Variants in EDEM2 observed in about 807,000 individuals in gnomAD.
EDEM2 encodes the protein ER degradation-enhancing alpha-mannosidase-like protein 2.
EDEM2 carries 39 observed loss-of-function variants against 64.8 expected under a neutral mutation model. That is an observed-to-expected ratio of 0.60 (90% CI 0.47 to 0.79). The LOEUF is 0.79. Among genes scored for constraint, EDEM2 ranks in the 30% least tolerant of loss-of-function variants. The pLI is 0.00. For missense variants in EDEM2, 609 were observed against 731.3 expected, an observed-to-expected ratio of 0.83 and a Z score of 1.93; for synonymous variants, 296 against 291.5, an observed-to-expected ratio of 1.02 and a Z score of -0.16.
At chr20:35,143,813 CT>C in intron 3 of EDEM2, among the ~76,000 whole-genome samples, 1 of 152,092 alleles carries the variant, frequency 6.6e-6, no homozygotes, top group Non-Finnish European at 1.5e-5. Flanking sequence ...AACTCTGGGA[CT>C]TGAGCAATGT....
At chr20:35,118,761 C>T (rs2085337055) in intron 9 of EDEM2, 42 bp from the exon 10 acceptor site, 7 of 1,608,002 alleles carry the variant, frequency 4.4e-6, no homozygotes, top group African/African-American at 2.7e-5. Context: ...AGTGGCTGCA[C>T]AGAGATGGCC....
chr20:35,126,966 ATC>A (rs2085441698), intron 7 of EDEM2, among the ~76,000 whole-genome samples: 1 of 152,142 alleles, frequency 6.6e-6, no homozygotes, highest in Non-Finnish European at 1.5e-5. Flanking sequence ...CCCCACCTAA[ATC>A]TCACCTTGAA....
At chr20:35,132,741 T>C (rs1192432793) in intron 6 of EDEM2, among the ~76,000 whole-genome samples, 2 of 152,204 alleles carry the variant, frequency 1.3e-5, no homozygotes, top group East Asian at 1.9e-4. Context: ...TTTCTCCCTG[T>C]TGGTCAGGCT....
In EDEM2 at chr20:35,123,900, T is replaced by A; in HGVS notation, c.1104A>T (p.Pro368=). ...GYTVEKREGY[P]LRPELIESAM... is the part of the protein sequence containing the mutation. ...AGAAATGCTGCTCACCTGGCCGAAGTGGGTAGCCCTCTCGCTTCTCCACTG... is the reference window on the plus strand; with the variant it reads ...AGAAATGCTGCTCACCTGGCCGAAGAGGGTAGCCCTCTCGCTTCTCCACTG... Residue 368 remains proline, a synonymous_variant, in exon 9 of 11, where the codon CCA becomes CCT. Coordinates refer to ENST00000374492, the MANE Select transcript of EDEM2 (RefSeq NM_018217.3). 1 of 1,613,740 alleles carries A rather than the reference T, an allele frequency of 6.2e-7. No homozygotes were observed.
intron 9 of EDEM2, among the ~76,000 whole-genome samples, chr20:35,119,890 T>A (rs886831412): frequency 6.6e-6 from 1 of 152,208 alleles, no homozygotes; most frequent in Non-Finnish European, 1.5e-5. Flanking sequence ...AAGGGTGGCC[T>A]CAGCTCAGTA....
At chr20:35,123,532 C>T (rs949155615) in intron 9 of EDEM2, among the ~76,000 whole-genome samples, 4 of 151,862 alleles carry the variant, frequency 2.6e-5, no homozygotes, top group South Asian at 2.1e-4. Context: ...GCGGAGGTTG[C>T]GGTGAGCCGA....
chr20:35,146,676 G>C, intron 2 of EDEM2, 149 bp downstream of exon 2: 1 of 828,944 alleles, frequency 1.2e-6, no homozygotes, highest in Non-Finnish European at 1.9e-6. Flanking sequence ...GGAGGTGATA[G>C]TAAGAATTGC....
intron 7 of EDEM2, among the ~76,000 whole-genome samples, chr20:35,127,754 T>G (rs1207341399): frequency 1.3e-5 from 2 of 152,200 alleles, no homozygotes; most frequent in Non-Finnish European, 2.9e-5. Context: ...TCAGTGGATG[T>G]CTGAAACCAT....
intron 10 of EDEM2, 130 bp from the exon 11 acceptor site, chr20:35,116,063 C>T (rs1461255961): frequency 1.8e-5 from 17 of 953,798 alleles, no homozygotes; most frequent in Non-Finnish European, 2.6e-5. Context: ...CTGAACTTTT[C>T]AGAACTTCAC....
At chr20:35,143,525 ACTTT>A (rs905345500) in intron 3 of EDEM2, among the ~76,000 whole-genome samples, 1 of 152,206 alleles carries the variant, frequency 6.6e-6, no homozygotes, top group Non-Finnish European at 1.5e-5. Context: ...TTACCTCTAG[ACTTT>A]CTTTTACTTG....
At chr20:35,142,201 C>T (rs6058191) in intron 4 of EDEM2, among the ~76,000 whole-genome samples, 172 bp downstream of exon 4, 1 of 152,146 alleles carries the variant, frequency 6.6e-6, no homozygotes, top group African/African-American at 2.4e-5. Flanking sequence ...TGGGGAAATC[C>T]TGAGACTTCC....
intron 10 of EDEM2, 96 bp downstream of exon 10, chr20:35,118,502 C>T (rs2085333235): frequency 1.9e-6 from 3 of 1,573,742 alleles, no homozygotes; most frequent in Non-Finnish European, 2.6e-6. Context: ...CCTTCTAGTG[C>T]TGATATGTCA....
At chr20:35,134,703 A>G (rs763042267) in intron 6 of EDEM2, 35 bp downstream of exon 6, 9 of 1,609,258 alleles carry the variant, frequency 5.6e-6, no homozygotes, top group South Asian at 1.1e-5. Flanking sequence ...CCTCGTAAGC[A>G]GGGACTCAAA....
intron 10 of EDEM2, 166 bp downstream of exon 10, chr20:35,118,432 T>G: frequency 2.0e-6 from 2 of 1,011,928 alleles, no homozygotes; most frequent in Non-Finnish European, 2.9e-6. Flanking sequence ...GGCACTTAGC[T>G]TCTCTGTTCT....
At chr20:35,124,135 CT>C in intron 8 of EDEM2, 101 bp from the exon 9 acceptor site, 1 of 1,437,058 alleles carries the variant, frequency 7.0e-7, no homozygotes, top group Non-Finnish European at 9.5e-7. Flanking sequence ...CCAAAAAGGC[CT>C]TGAATCAATC....
chr20:35,135,684 A>C (rs1372707758), intron 5 of EDEM2, among the ~76,000 whole-genome samples: 2 of 152,234 alleles, frequency 1.3e-5, no homozygotes, highest in Non-Finnish European at 2.9e-5. Context: ...AGCCATTCAT[A>C]GACTTTAAAT....
At chr20:35,121,868 C>G (rs2146089699) in intron 9 of EDEM2, among the ~76,000 whole-genome samples, 1 of 152,026 alleles carries the variant, frequency 6.6e-6, no homozygotes, top group Non-Finnish European at 1.5e-5. Flanking sequence ...CATCATGGCT[C>G]ACTGCAGCTA....
Position 35,115,599 on chromosome 20 carries a change from G to A in EDEM2, c.1571C>T (p.Pro524Leu). Residue 524 changes from proline to leucine, a missense_variant, in exon 11 of 11, where the codon CCA becomes CTA. Pro to Leu is a moderately conservative substitution (Grantham distance 98). Coordinates refer to ENST00000374492, the MANE Select transcript of EDEM2 (RefSeq NM_018217.3). ...TCCTGGCCTTGCTGGAGGTTCCCAT[G>A]GCCCCGAACTAACAGTGTTTTTCTG... is the stretch of plus-strand genomic sequence containing the variant. ...KFQKNTVSSG[P>L]WEPPARPGTL... 6.2e-7 allele frequency: 1 copy of A among 1,613,566 alleles called. No individual in the cohort carries two copies. The highest frequency in any genetic ancestry group is 1.3e-5 in the African/African-American group (1 of 74,500).
At chr20:35,134,979 C>G (rs1198386458) in intron 5 of EDEM2, 30 bp from the exon 6 acceptor site, 2 of 1,608,346 alleles carry the variant, frequency 1.2e-6, no homozygotes, top group Admixed American at 1.7e-5. Flanking sequence ...TGATCCCGGA[C>G]AGGAGCAGGG....
Sources: allele counts gnomAD v4.1 joint callset (sites outside exome capture counted in the v4.1 genomes callset), GRCh38; gene constraint gnomAD v4.1.1; transcripts MANE v1.5; gene names NCBI Gene and HGNC (gene_info 2026-07-23, HGNC 2026-07-21).